RERE: variants seen among roughly 807,000 people sequenced by gnomAD.
RERE encodes arginine-glutamic acid dipeptide repeats protein.
Under a neutral mutation model 146.1 loss-of-function variants are expected in RERE, and 40 were observed. The observed-to-expected ratio is 0.27, with a 90% CI of 0.21 to 0.36. The LOEUF is 0.36. Among genes scored for constraint, RERE ranks in the 10% least tolerant of loss-of-function variants. RERE has a pLI of 1.00. For synonymous variants in RERE, 1,003 were observed against 866.0 expected, an observed-to-expected ratio of 1.16 and a Z score of -2.78; for missense variants, 1,933 against 2,138.7, an observed-to-expected ratio of 0.90 and a Z score of 1.90.
chr1:8,475,837 G>A (rs991430951), intron 10 of RERE, among the ~76,000 whole-genome samples: 37 of 152,138 alleles, frequency 2.4e-4, no homozygotes, highest in African/African-American at 8.9e-4. Context: ...GAAACTAAGA[G>A]CACAATATTT....
At chr1:8,688,539 C>A (rs1639140013) in intron 1 of RERE, among the ~76,000 whole-genome samples, 1 of 147,958 alleles carries the variant, frequency 6.8e-6, no homozygotes, top group Non-Finnish European at 1.5e-5. Context: ...CCAGCCTGGG[C>A]AAAAGAGTAA....
At chr1:8,609,338 T>C (rs1406960296) in intron 4 of RERE, among the ~76,000 whole-genome samples, 2 of 152,190 alleles carry the variant, frequency 1.3e-5, no homozygotes, top group African/African-American at 2.4e-5. Context: ...CCAGTAGCAG[T>C]CAGCCTTGGC....
chr1:8,587,128 T>C (rs532059491), intron 4 of RERE, among the ~76,000 whole-genome samples: 2 of 152,250 alleles, frequency 1.3e-5, no homozygotes, highest in Admixed American at 1.3e-4. Context: ...CTTTCACACA[T>C]CAAACAGCAA....
chr1:8,546,456 G>T (rs1009244565), intron 6 of RERE, among the ~76,000 whole-genome samples: 3 of 152,010 alleles, frequency 2.0e-5, no homozygotes, highest in Admixed American at 2.0e-4. Flanking sequence ...TAATCGGAAT[G>T]ATTTTTTTTC....
chr1:8,412,775 A>G (rs1198608450), intron 12 of RERE, among the ~76,000 whole-genome samples: 1 of 152,244 alleles, frequency 6.6e-6, no homozygotes, highest in Non-Finnish European at 1.5e-5. Context: ...CCCAAGTCCT[A>G]GTCCCATTGT....
At chr1:8,607,461 A>AATGTCT (rs1177767300) in intron 4 of RERE, among the ~76,000 whole-genome samples, 1 of 150,596 alleles carries the variant, frequency 6.6e-6, no homozygotes, top group Non-Finnish European at 1.5e-5. Context: ...CATGGCCTGA[A>AATGTCT]ATGTCTTTGG....
intron 12 of RERE, among the ~76,000 whole-genome samples, chr1:8,386,189 T>C (rs1170193380): frequency 6.6e-6 from 1 of 150,768 alleles, no homozygotes; most frequent in African/African-American, 2.4e-5. Flanking sequence ...AGAAAACTTG[T>C]AGGACTACAG....
chr1:8,550,911 G>C (rs1481785912), intron 6 of RERE, among the ~76,000 whole-genome samples: 1 of 152,130 alleles, frequency 6.6e-6, no homozygotes, highest in Non-Finnish European at 1.5e-5. Flanking sequence ...TGACTAATCT[G>C]TTTCAAGCCC....
chr1:8,360,555 G>A lies in RERE; in HGVS notation c.2952C>T (p.His984=), dbSNP rs565894522. 2.4e-6 allele frequency: 2 copies of A among 836,422 alleles called. No individual in the cohort carries two copies. Among genetic ancestry groups the A allele is most frequent in the South Asian group, 3.3e-5 (2 of 60,774 alleles). 51.8% of individuals were successfully genotyped at this position (836,422 alleles called of 1,614,324 possible). The change falls in exon 18 of 23, where the codon CAC becomes CAT. Residue 984 remains histidine, a synonymous_variant. Coordinates refer to ENST00000400908, the MANE Select transcript of RERE (RefSeq NM_001042681.2). ...GAGGCATGAGTTGCAGGGGTGGGGG[G>A]TGAGCCGACGGGGGGTGATGTGTGG... ...SLSTHHPPSA[H]PPPLQLMPQS... is the part of the protein sequence containing the mutation.
intron 1 of RERE, among the ~76,000 whole-genome samples, chr1:8,803,956 C>A (rs1219712359): frequency 2.0e-5 from 3 of 152,044 alleles, no homozygotes; most frequent in African/African-American, 7.2e-5. Flanking sequence ...ACCATTCCAA[C>A]CAAAATATGA....
At chr1:8,421,284 C>T (rs367578247) in intron 12 of RERE, among the ~76,000 whole-genome samples, 1 of 152,172 alleles carries the variant, frequency 6.6e-6, no homozygotes, top group African/African-American at 2.4e-5. Context: ...CGGGCAAAGG[C>T]ATTTTAATTT....
intron 1 of RERE, among the ~76,000 whole-genome samples, chr1:8,659,487 G>A (rs760205554): frequency 5.3e-5 from 8 of 152,270 alleles, no homozygotes; most frequent in Non-Finnish European, 1.0e-4. Flanking sequence ...AACCCAGGAA[G>A]CGGAGGTTGC....
At chr1:8,550,243 T>A (rs959474423) in intron 6 of RERE, among the ~76,000 whole-genome samples, 1 of 152,232 alleles carries the variant, frequency 6.6e-6, no homozygotes, top group Non-Finnish European at 1.5e-5. Context: ...CGGAATATCT[T>A]ACTGGGTAGG....
In RERE at chr1:8,699,278, CCCAGG is replaced by C. The variant is rs1182473912; in HGVS notation, c.-144-42842_-144-42838del. 2.5e-4 allele frequency among the ~76,000 whole-genome samples: 38 copies of C among 152,182 alleles called. 2 individuals carry two copies. The South Asian group carries it at 7.9e-3, about 32-fold the overall frequency. On this transcript the variant is annotated intron_variant, in intron 1 of 22. Transcript: ENST00000400908. ...CAGTCACAGAGGTTAAATAACTTAC[CCCAGG>C]TATCACAGTGAGTAAGTGGTAAACT...
At chr1:8,707,992 AAATC>A (rs1639590321) in intron 1 of RERE, among the ~76,000 whole-genome samples, 1 of 152,148 alleles carries the variant, frequency 6.6e-6, no homozygotes, top group Admixed American at 6.6e-5. Context: ...TTTCCCTTAT[AAATC>A]AAATTTTATC....
At chr1:8,412,098 G>A (rs756238397) in intron 12 of RERE, among the ~76,000 whole-genome samples, 13 of 152,172 alleles carry the variant, frequency 8.5e-5, no homozygotes, top group South Asian at 4.1e-4. Flanking sequence ...TCCCAAAGGT[G>A]CTGGACAGAT....
Position 8,359,748 on chromosome 1 carries a change from C to T in RERE, c.3618+16G>A. 6.3e-7 allele frequency: 1 copy of T among 1,598,174 alleles called. No homozygotes were observed. Among genetic ancestry groups the T allele is most frequent in the Non-Finnish European group, 8.5e-7 (1 of 1,179,200 alleles). ...GACCAGCGCCCCCCGTCACACCTCGCCAACCCTGGACTCACAGCCGCCCGC... is the reference window on the plus strand; with the variant it reads ...GACCAGCGCCCCCCGTCACACCTCGTCAACCCTGGACTCACAGCCGCCCGC... On this transcript the variant is annotated intron_variant, in intron 19 of 22. Transcript: ENST00000400908.
chr1:8,706,033 G>A (rs1196711598), intron 1 of RERE, among the ~76,000 whole-genome samples: 1 of 149,062 alleles, frequency 6.7e-6, no homozygotes, highest in Non-Finnish European at 1.5e-5. Context: ...GGAGAATGGT[G>A]TGAACCCAGG....
At chr1:8,528,600 T>G (rs1374317557) in intron 7 of RERE, among the ~76,000 whole-genome samples, 3 of 152,296 alleles carry the variant, frequency 2.0e-5, no homozygotes, top group African/African-American at 7.2e-5. Flanking sequence ...AAACCAAAAA[T>G]GTTCCAAAAT....
Sources: gnomAD v4.1 joint callset for allele counts (sites outside exome capture counted in the v4.1 genomes callset) on GRCh38, gnomAD v4.1.1 for gene constraint, MANE v1.5 for transcripts, NCBI Gene and HGNC (gene_info 2026-07-23, HGNC 2026-07-21) for gene names.